The following HHAT variants were observed in gnomAD, a reference collection of about 807,000 sequenced individuals.
HHAT encodes hedgehog acyltransferase, also known as protein-cysteine N-palmitoyltransferase HHAT.
A neutral mutation model predicts 70.8 loss-of-function variants in HHAT; 47 were observed. That is an observed-to-expected ratio of 0.66 (90% CI 0.53 to 0.85). The LOEUF (loss-of-function observed/expected upper bound fraction) is 0.85, where lower values mean the gene tolerates loss of function less well. HHAT is among the 40% of genes least tolerant of loss of function. The probability of loss-of-function intolerance (pLI) is 0.00; values close to 1 mark genes in which losing one functional copy is unlikely to be tolerated. For synonymous variants in HHAT, 228 were observed against 247.6 expected, an observed-to-expected ratio of 0.92 and a Z score of 0.74; for missense variants, 609 against 604.8, an observed-to-expected ratio of 1.01 and a Z score of -0.07.
At chr1:210,638,909 A>G (rs1672455048) in intron 11 of HHAT, among the ~76,000 whole-genome samples, 1 of 151,422 alleles carries the variant, frequency 6.6e-6, no homozygotes, top group African/African-American at 2.5e-5. Context: ...TCCCTCAAAA[A>G]TAAAATACTT....
intron 11 of HHAT, among the ~76,000 whole-genome samples, chr1:210,626,054 A>T (rs566546589): frequency 1.3e-5 from 2 of 152,206 alleles, no homozygotes; most frequent in Non-Finnish European, 2.9e-5. Flanking sequence ...GTTGGAGAAG[A>T]TGGTGGGACC....
intron 7 of HHAT, among the ~76,000 whole-genome samples, chr1:210,427,619 G>A (rs1255492447): frequency 6.6e-6 from 1 of 152,146 alleles, no homozygotes; most frequent in African/African-American, 2.4e-5. Flanking sequence ...GGTTTTGAGT[G>A]AATTTCTTAG....
At chr1:210,382,946 C>T (rs1044966752) in intron 3 of HHAT, among the ~76,000 whole-genome samples, 1 of 152,092 alleles carries the variant, frequency 6.6e-6, no homozygotes, top group African/African-American at 2.4e-5. Flanking sequence ...CCGGCTCTGC[C>T]CCTTACTAGG....
intron 11 of HHAT, among the ~76,000 whole-genome samples, chr1:210,636,917 AG>A (rs1671970750): frequency 6.6e-6 from 1 of 152,204 alleles, no homozygotes; most frequent in Non-Finnish European, 1.5e-5. Context: ...GAGACAGTGT[AG>A]GATGGTAGTG....
chr1:210,667,101 G>T (rs1251987266), intron 11 of HHAT, among the ~76,000 whole-genome samples: 1 of 150,578 alleles, frequency 6.6e-6, no homozygotes, highest in Non-Finnish European at 1.5e-5. Context: ...ATGAATTCTG[G>T]TCTGGGCACT....
intron 11 of HHAT, 107 bp from the exon 12 acceptor site, chr1:210,674,181 T>C: frequency 2.3e-6 from 2 of 860,704 alleles, no homozygotes; most frequent in South Asian, 2.9e-5. Flanking sequence ...CTGGAGGCCT[T>C]TGTTGTTTGT....
chr1:210,572,607 C>G (rs2148739023), intron 9 of HHAT, among the ~76,000 whole-genome samples: 1 of 152,258 alleles, frequency 6.6e-6, no homozygotes, highest in South Asian at 2.1e-4. Context: ...CAAGTAACCT[C>G]CTTTGGCTGG....
intron 9 of HHAT, among the ~76,000 whole-genome samples, chr1:210,532,947 A>G (rs961549123): frequency 2.0e-5 from 3 of 152,198 alleles, no homozygotes; most frequent in Non-Finnish European, 4.4e-5. Context: ...TTGGGTTCAT[A>G]TTCTATTTAC....
At chr1:210,518,190 C>T (rs1041614775) in intron 9 of HHAT, among the ~76,000 whole-genome samples, 45 of 152,182 alleles carry the variant, frequency 3.0e-4, no homozygotes, top group African/African-American at 1.1e-3. Context: ...AGAACTTACT[C>T]TTCCTATCTA....
intron 10 of HHAT, among the ~76,000 whole-genome samples, chr1:210,621,719 G>A (rs1182549148): frequency 6.6e-6 from 1 of 152,116 alleles, no homozygotes; most frequent in African/African-American, 2.4e-5. Context: ...TCTTGTACGT[G>A]CCTGTGGCCT....
At chr1:210,496,750 C>CT in intron 8 of HHAT, among the ~76,000 whole-genome samples, 1 of 152,296 alleles carries the variant, frequency 6.6e-6, no homozygotes, top group East Asian at 1.9e-4. Context: ...TTAGCTGTGA[C>CT]TTTAAGATCG....
chr1:210,365,951 A>T (rs1362239813), intron 3 of HHAT, among the ~76,000 whole-genome samples: 1 of 150,808 alleles, frequency 6.6e-6, no homozygotes, highest in Admixed American at 6.6e-5. Flanking sequence ...TTTTGAAGAG[A>T]TGTGATCCTG....
intron 9 of HHAT, among the ~76,000 whole-genome samples, chr1:210,569,511 A>G (rs1324218365): frequency 4.0e-5 from 6 of 150,980 alleles, no homozygotes; most frequent in Non-Finnish European, 8.8e-5. Context: ...TGGATTTTCC[A>G]TTGTAATGTA....
At chr1:210,632,286 C>T (rs532410122) in intron 11 of HHAT, among the ~76,000 whole-genome samples, 16 of 152,220 alleles carry the variant, frequency 1.1e-4, no homozygotes, top group Admixed American at 4.6e-4. Context: ...GGTAAATACC[C>T]GAGGTTTGTC....
At chr1:210,412,091 G>A (rs183016008) in intron 6 of HHAT, among the ~76,000 whole-genome samples, 126 of 152,182 alleles carry the variant, frequency 8.3e-4, no homozygotes, top group African/African-American at 3.0e-3. Context: ...GTGGTGGAAG[G>A]GGTCTAACTC....
At chr1:210,474,082 A>G (rs1261475492) in intron 8 of HHAT, among the ~76,000 whole-genome samples, 4 of 152,026 alleles carry the variant, frequency 2.6e-5, no homozygotes. Flanking sequence ...TCTAAAATTT[A>G]TTTTTACGTA....
chr1:210,348,370 G>A (rs974517033), intron 1 of HHAT, among the ~76,000 whole-genome samples: 2 of 152,298 alleles, frequency 1.3e-5, no homozygotes, highest in Admixed American at 1.3e-4. Context: ...CAAAGTGTTA[G>A]GATTACAGGC....
intron 11 of HHAT, among the ~76,000 whole-genome samples, chr1:210,624,585 T>C (rs1669483485): frequency 6.6e-6 from 1 of 152,238 alleles, no homozygotes; most frequent in Non-Finnish European, 1.5e-5. Context: ...GCCAACCTTA[T>C]GTTTAATGTG....
At chr1:210,531,169 A>T (rs1403448642) in intron 9 of HHAT, among the ~76,000 whole-genome samples, 1 of 152,216 alleles carries the variant, frequency 6.6e-6, no homozygotes, top group Non-Finnish European at 1.5e-5. Context: ...GTACTCATCT[A>T]TCTAAACATA....
Sources: allele counts gnomAD v4.1 joint callset (sites outside exome capture counted in the v4.1 genomes callset), GRCh38; gene constraint gnomAD v4.1.1; transcripts MANE v1.5; gene names NCBI Gene and HGNC (gene_info 2026-07-23, HGNC 2026-07-21).